Variants in SMOC1 observed in about 807,000 individuals in gnomAD.
SMOC1 encodes the protein SPARC-related modular calcium-binding protein 1.
SMOC1 carries 22 observed loss-of-function variants against 56.3 expected under a neutral mutation model. The observed-to-expected ratio is 0.39, with a 90% CI of 0.28 to 0.56. The LOEUF is 0.56. SMOC1 is among the 20% of genes least tolerant of loss of function. SMOC1 has a pLI of 0.61. For synonymous variants in SMOC1, 193 were observed against 215.0 expected, an observed-to-expected ratio of 0.90 and a Z score of 0.89; for missense variants, 509 against 565.4, an observed-to-expected ratio of 0.90 and a Z score of 1.01.
intron 9 of SMOC1, among the ~76,000 whole-genome samples, chr14:70,012,369 A>C (rs1885371127): frequency 6.6e-6 from 1 of 152,258 alleles, no homozygotes; most frequent in African/African-American, 2.4e-5. Flanking sequence ...CACTGGGTAT[A>C]ATCTAGTGGT....
intron 3 of SMOC1, among the ~76,000 whole-genome samples, chr14:69,972,197 G>A (rs1246195017): frequency 2.6e-5 from 4 of 152,078 alleles, no homozygotes; most frequent in Non-Finnish European, 5.9e-5. Flanking sequence ...GCTGGGAGGT[G>A]CTGGAAGGCC....
At chr14:69,995,994 C>T (rs1307524443) in intron 7 of SMOC1, among the ~76,000 whole-genome samples, 1 of 152,098 alleles carries the variant, frequency 6.6e-6, no homozygotes, top group Non-Finnish European at 1.5e-5. Flanking sequence ...CAACTGGTCT[C>T]CTAGTCCCTG....
At chr14:69,955,481 A>T (rs1216868202) in intron 3 of SMOC1, among the ~76,000 whole-genome samples, 1 of 152,016 alleles carries the variant, frequency 6.6e-6, no homozygotes, top group Non-Finnish European at 1.5e-5. Flanking sequence ...TATATTATAT[A>T]TTCCTATAAT....
In SMOC1 at chr14:70,024,172, G is replaced by A. The variant is rs61059849; in HGVS notation, c.1291+725G>A. Among the ~76,000 whole-genome samples, 8 of 152,296 alleles carry A rather than the reference G, an allele frequency of 5.3e-5. No individual in the cohort carries two copies. In the East Asian group the frequency reaches 1.5e-3, roughly 29 times the overall value. ...CATTGGCTGGAACTCAGTCACTAGG[G>A]GAAGGGAACCCAAGAAGAGAGCAGC... On this transcript the variant is annotated intron_variant, in intron 11 of 11. Coordinates refer to ENST00000361956, the MANE Select transcript of SMOC1 (RefSeq NM_001034852.3).
intron 3 of SMOC1, among the ~76,000 whole-genome samples, chr14:69,975,165 G>A (rs556447438): frequency 4.6e-5 from 7 of 152,050 alleles, no homozygotes; most frequent in Admixed American, 2.0e-4. Context: ...CTAACATGGC[G>A]AAACCCATTT....
chr14:69,923,937 C>G (rs954303800), intron 1 of SMOC1, among the ~76,000 whole-genome samples: 1 of 152,190 alleles, frequency 6.6e-6, no homozygotes, highest in African/African-American at 2.4e-5. Context: ...CCTAGGGTCC[C>G]CTGGTCGGGC....
At chr14:69,909,454 C>A (rs1884498590) in intron 1 of SMOC1, among the ~76,000 whole-genome samples, 1 of 151,868 alleles carries the variant, frequency 6.6e-6, no homozygotes, top group Admixed American at 6.6e-5. Context: ...CAGGTACATC[C>A]AATGCTGACC....
chr14:69,879,674 G>T lies in SMOC1; in HGVS notation c.-5G>T. On this transcript the variant is annotated 5_prime_UTR_variant, in exon 1 of 12. Transcript: ENST00000361956. ...CGCTGCCGGCTGCCCAGCCTGGCTGGCACCATGCTGCCCGCGCGCTGCGCC... is the reference window on the plus strand; with the variant it reads ...CGCTGCCGGCTGCCCAGCCTGGCTGTCACCATGCTGCCCGCGCGCTGCGCC... 6.5e-7 allele frequency: 1 copy of T among 1,547,288 alleles called. No homozygotes were observed.
chr14:69,953,783 C>T (rs1313890515), intron 3 of SMOC1, among the ~76,000 whole-genome samples: 1 of 152,182 alleles, frequency 6.6e-6, no homozygotes, highest in African/African-American at 2.4e-5. Context: ...ATTGCTTGGT[C>T]CCCATCCTCC....
chr14:69,906,746 A>G (rs909710117), intron 1 of SMOC1, among the ~76,000 whole-genome samples: 27 of 152,342 alleles, frequency 1.8e-4, no homozygotes, highest in Admixed American at 1.8e-3. Flanking sequence ...CCTAAGAGAC[A>G]TCCACTGAAT....
chr14:69,881,565 G>A (rs957848313), intron 1 of SMOC1, among the ~76,000 whole-genome samples: 7 of 152,222 alleles, frequency 4.6e-5, no homozygotes, highest in East Asian at 1.9e-4. Flanking sequence ...GTGATGGAAC[G>A]TAAGCAGGAA....
At chr14:70,002,030 C>G (rs1884986967) in intron 7 of SMOC1, among the ~76,000 whole-genome samples, 1 of 152,150 alleles carries the variant, frequency 6.6e-6, no homozygotes, top group Non-Finnish European at 1.5e-5. Context: ...CAAGGAAGCC[C>G]TAGTATTCCC....
chr14:69,990,353 T>C (rs61977398), intron 5 of SMOC1, among the ~76,000 whole-genome samples: 9,023 of 152,314 alleles, frequency 0.059, 348 homozygotes, highest in Non-Finnish European at 0.086. Flanking sequence ...CATTGAATAT[T>C]AAAATATTAC....
At chr14:69,907,938 G>T (rs899493660) in intron 1 of SMOC1, among the ~76,000 whole-genome samples, 4 of 152,150 alleles carry the variant, frequency 2.6e-5, no homozygotes, top group Admixed American at 6.5e-5. Flanking sequence ...CATTCATGAG[G>T]TCTTCCCCTA....
At chr14:69,893,975 C>G (rs1958081) in intron 1 of SMOC1, among the ~76,000 whole-genome samples, 1 of 152,148 alleles carries the variant, frequency 6.6e-6, no homozygotes, top group South Asian at 2.1e-4. Context: ...AAGAGGGTAG[C>G]CATCTTCAAG....
intron 1 of SMOC1, among the ~76,000 whole-genome samples, chr14:69,948,945 C>G (rs1261783891): frequency 6.6e-6 from 1 of 152,194 alleles, no homozygotes; most frequent in Non-Finnish European, 1.5e-5. Context: ...CTTCTAATCA[C>G]TAGGTCCCAC....
intron 9 of SMOC1, among the ~76,000 whole-genome samples, chr14:70,012,556 C>T (rs1004022150): frequency 6.6e-6 from 1 of 152,186 alleles, no homozygotes; most frequent in Non-Finnish European, 1.5e-5. Flanking sequence ...AGTGTTGAAC[C>T]TGAGACCTGG....
intron 10 of SMOC1, among the ~76,000 whole-genome samples, chr14:70,021,670 T>G (rs183682092): frequency 9.8e-5 from 15 of 152,330 alleles, no homozygotes; most frequent in Admixed American, 2.6e-4. Flanking sequence ...GAAATTCAGC[T>G]AATTAGGAAT....
At chr14:69,986,723 C>CT (rs1884378582) in intron 5 of SMOC1, among the ~76,000 whole-genome samples, 1 of 152,204 alleles carries the variant, frequency 6.6e-6, no homozygotes, top group African/African-American at 2.4e-5. Flanking sequence ...CCCAGTTTGC[C>CT]TTTTCCCCAG....
Sources: gnomAD v4.1 joint callset for allele counts (sites outside exome capture counted in the v4.1 genomes callset) on GRCh38, gnomAD v4.1.1 for gene constraint, MANE v1.5 for transcripts, NCBI Gene and HGNC (gene_info 2026-07-23, HGNC 2026-07-21) for gene names.